PPP1R12A: variants seen among roughly 807,000 people sequenced by gnomAD.
The protein encoded by PPP1R12A is protein phosphatase 1 regulatory subunit 12A, also known as myosin binding subunit.
PPP1R12A carries 19 observed loss-of-function variants against 139.6 expected under a neutral mutation model. The ratio of observed to expected loss-of-function variants is 0.14; its 90% CI spans 0.09 to 0.20. The LOEUF is 0.20. Ranked by LOEUF, PPP1R12A falls within the 10% of genes least tolerant of loss-of-function variation. The probability of loss-of-function intolerance (pLI) is 1.00; values close to 1 mark genes in which losing one functional copy is unlikely to be tolerated. For missense variants in PPP1R12A, 925 were observed against 1,211.5 expected (o/e 0.76, Z 3.51); for synonymous variants, 427 against 420.6 (o/e 1.02, Z -0.19).
intron 1 of PPP1R12A, among the ~76,000 whole-genome samples, chr12:79,902,289 C>T (rs1885717027): frequency 6.6e-6 from 1 of 152,112 alleles, no homozygotes; most frequent in Admixed American, 6.5e-5. Context: ...AGTACCGATG[C>T]TTAACCTGAA....
At chr12:79,779,384 A>T in intron 23 of PPP1R12A, 2 of 1,279,110 alleles carry the variant, frequency 1.6e-6, no homozygotes, top group Middle Eastern at 2.1e-4. Context: ...ATTTAGTTTA[A>T]TCACACTGAA....
chr12:79,783,186 A>T (rs1294609419), intron 22 of PPP1R12A, among the ~76,000 whole-genome samples: 6 of 150,738 alleles, frequency 4.0e-5, no homozygotes, highest in Non-Finnish European at 4.4e-5. Context: ...GGCTGGGTGT[A>T]GTGGCTTACA....
At position 79,781,981 on chromosome 12, in the gene PPP1R12A, C is replaced by T. The variant is rs1217382179; in HGVS notation, c.2908-119G>A. 5 of 503,320 alleles carry T rather than the reference C, an allele frequency of 9.9e-6. No homozygotes were observed. The South Asian group carries it at 1.2e-4, about 12-fold the overall frequency. 31.2% of individuals were successfully genotyped at this position (503,320 alleles called of 1,614,324 possible). A position where few individuals can be genotyped will look rare whatever the true frequency, so the allele number is the denominator to read the frequency against. ...ATTCAAGTGGAGTAAAACACAGGTT[C>T]GTGAGTAAAGCAAAGAGAAAACAGG... On this transcript the variant is annotated intron_variant, in intron 22 of 24. Coordinates refer to ENST00000450142, the MANE Select transcript of PPP1R12A (RefSeq NM_002480.3).
At chr12:79,829,405 G>T (rs910335776) in intron 4 of PPP1R12A, among the ~76,000 whole-genome samples, 1 of 151,964 alleles carries the variant, frequency 6.6e-6, no homozygotes, top group Non-Finnish European at 1.5e-5. Context: ...AACAAATCTG[G>T]TATTTCCTAA....
intron 1 of PPP1R12A, among the ~76,000 whole-genome samples, chr12:79,877,264 T>A (rs1446670857): frequency 3.3e-5 from 5 of 152,146 alleles, no homozygotes. Context: ...TTTTCCAAAG[T>A]GCCTAGAACA....
At chr12:79,781,409 CTT>C (rs1256949406) in intron 23 of PPP1R12A, among the ~76,000 whole-genome samples, 1 of 151,714 alleles carries the variant, frequency 6.6e-6, no homozygotes, top group Non-Finnish European at 1.5e-5. Context: ...GATTTAGAAA[CTT>C]TATTTCAAGA....
At chr12:79,857,450 G>A (rs1592723083) in intron 2 of PPP1R12A, among the ~76,000 whole-genome samples, 1 of 151,326 alleles carries the variant, frequency 6.6e-6, no homozygotes, top group South Asian at 2.1e-4. Context: ...GGGGAAGGGG[G>A]AGGGATAGCA....
chr12:79,846,487 C>T (rs78721429), intron 2 of PPP1R12A, among the ~76,000 whole-genome samples: 12,050 of 151,744 alleles, frequency 0.079, 796 homozygotes, highest in East Asian at 0.33. Flanking sequence ...TGGAGTGCAG[C>T]GGCGTAATCT....
chr12:79,777,655 G>A (rs1869900253), intron 24 of PPP1R12A: 2 of 982,606 alleles, frequency 2.0e-6, no homozygotes, highest in Admixed American at 6.2e-5. Context: ...TGCAGGTTCT[G>A]CAGGAATCAG....
At chr12:79,890,905 CCACA>C (rs1303227049) in intron 1 of PPP1R12A, among the ~76,000 whole-genome samples, 14 of 115,678 alleles carry the variant, frequency 1.2e-4, no homozygotes, top group Non-Finnish European at 1.5e-4. Context: ...CCACACCCAC[CCACA>C]CACACACACA....
At chr12:79,876,843 C>G (rs1252269563) in intron 1 of PPP1R12A, among the ~76,000 whole-genome samples, 2 of 152,036 alleles carry the variant, frequency 1.3e-5, no homozygotes, top group Non-Finnish European at 1.5e-5. Context: ...AACCCTGTCT[C>G]TACTAAAAAT....
At chr12:79,877,236 T>C (rs1002612809) in intron 1 of PPP1R12A, among the ~76,000 whole-genome samples, 9 of 152,158 alleles carry the variant, frequency 5.9e-5, no homozygotes, top group African/African-American at 2.2e-4. Context: ...GAACAAGTTA[T>C]AAGCAAGCTG....
chr12:79,778,491 T>A, intron 24 of PPP1R12A, 59 bp downstream of exon 24: 1 of 1,154,766 alleles, frequency 8.7e-7, no homozygotes, highest in Admixed American at 2.5e-5. Flanking sequence ...TCTATAATAG[T>A]ATTTTAAACA....
At chr12:79,871,862 G>A (rs147857491) in intron 2 of PPP1R12A, among the ~76,000 whole-genome samples, 4,454 of 152,224 alleles carry the variant, frequency 0.029, 79 homozygotes, top group Non-Finnish European at 0.044. Context: ...ACGGGAAAAA[G>A]ACTTCCTCAG....
At chr12:79,845,484 T>C in intron 2 of PPP1R12A, 64 bp from the exon 3 acceptor site, 1 of 1,177,994 alleles carries the variant, frequency 8.5e-7, no homozygotes, top group African/African-American at 1.5e-5. Context: ...ACTAAATGCA[T>C]AACCAATGAG....
chr12:79,906,786 G>A (rs939157630), intron 1 of PPP1R12A, among the ~76,000 whole-genome samples: 15 of 152,142 alleles, frequency 9.9e-5, no homozygotes, highest in African/African-American at 3.4e-4. Flanking sequence ...TGGGACTACA[G>A]GCGCCCACCA....
intron 9 of PPP1R12A, among the ~76,000 whole-genome samples, chr12:79,813,746 GTTCT>G (rs1423575065): frequency 2.6e-5 from 4 of 152,122 alleles, no homozygotes; most frequent in African/African-American, 7.2e-5. Flanking sequence ...TACAGAAACA[GTTCT>G]TTAATTTCAG....
chr12:79,863,149 T>C (rs1881540951), intron 2 of PPP1R12A, among the ~76,000 whole-genome samples: 1 of 151,762 alleles, frequency 6.6e-6, no homozygotes, highest in Non-Finnish European at 1.5e-5. Flanking sequence ...CAGAAGAGAG[T>C]GGGGGCCGAT....
At chr12:79,872,129 A>G (rs1354051353) in intron 2 of PPP1R12A, among the ~76,000 whole-genome samples, 1 of 152,200 alleles carries the variant, frequency 6.6e-6, no homozygotes, top group Non-Finnish European at 1.5e-5. Context: ...TAGAATTCCC[A>G]TATTCAATAT....
Sources: gnomAD v4.1 joint callset for allele counts (sites outside exome capture counted in the v4.1 genomes callset) on GRCh38, gnomAD v4.1.1 for gene constraint, MANE v1.5 for transcripts, NCBI Gene and HGNC (gene_info 2026-07-23, HGNC 2026-07-21) for gene names.